Variants in WNK4 observed in about 807,000 individuals in gnomAD.
WNK4 encodes WNK lysine deficient protein kinase 4, also known as serine/threonine-protein kinase WNK4.
Under a neutral mutation model 116.2 loss-of-function variants are expected in WNK4, and 94 were observed. That is an observed-to-expected ratio of 0.81 (90% CI 0.68 to 0.96). The LOEUF (loss-of-function observed/expected upper bound fraction) is 0.96. Among genes scored for constraint, WNK4 ranks in the 40% least tolerant of loss-of-function variants. WNK4 has a pLI of 0.00. For synonymous variants in WNK4, 655 were observed against 672.7 expected (o/e 0.97, Z 0.41); for missense variants, 1,542 against 1,650.6 (o/e 0.93, Z 1.14).
intron 11 of WNK4, among the ~76,000 whole-genome samples, chr17:42,789,423 G>A (rs1007919960): frequency 2.6e-5 from 4 of 151,966 alleles, no homozygotes; most frequent in African/African-American, 4.8e-5. Context: ...TTGGGAGGCC[G>A]AGGCCGAGGC....
At position 42,784,502 on chromosome 17, in the gene WNK4, A is replaced by G; in HGVS notation, c.1093A>G (p.Met365Val). Residue 365 changes from methionine to valine, a missense_variant, in exon 4 of 19, where the codon ATG becomes GTG. Met to Val is a conservative substitution (Grantham distance 21). Transcript: ENST00000246914. The surrounding 1 kb of genome is among the most constrained non-coding windows in gnomAD (Gnocchi z 4.4). ...GGACGTGTACGCGTTCGGCATGTGC[A>G]TGCTGGAGATGGCCACCTCTGAGTA... is the stretch of plus-strand genomic sequence containing the variant. ...AVDVYAFGMC[M>V]LEMATSEYPY... 6.2e-7 allele frequency: 1 copy of G among 1,614,012 alleles called. No individual in the cohort carries two copies. The highest frequency in any genetic ancestry group is 1.1e-5 in the South Asian group (1 of 91,042).
At chr17:42,783,544 A>G (rs2054507204) in intron 2 of WNK4, 1 of 318,376 alleles carries the variant, frequency 3.1e-6, no homozygotes, top group Non-Finnish European at 6.0e-6. Context: ...GCCTTTGAGC[A>G]CGGTGTCCTG....
chr17:42,796,616 G>A, intron 18 of WNK4, 38 bp downstream of exon 18: 4 of 1,614,192 alleles, frequency 2.5e-6, no homozygotes, highest in South Asian at 1.1e-5. Context: ...CCCAGGGAAT[G>A]GTACCTGGCT....
In WNK4 at chr17:42,793,579, T is replaced by G. The variant is rs2144070684; in HGVS notation, c.2158-13T>G. 1 of 1,613,684 alleles carries G rather than the reference T, an allele frequency of 6.2e-7. No individual in the cohort carries two copies. The highest frequency in any genetic ancestry group is 8.5e-7 in the Non-Finnish European group (1 of 1,179,692). On this transcript the variant is annotated splice_polypyrimidine_tract_variant and intron_variant, in intron 11 of 18. Coordinates refer to ENST00000246914, the MANE Select transcript of WNK4 (RefSeq NM_032387.5). ...AACAAGCTCTCCCTCCCCATCCTGT[T>G]GACCCTCGCAAGGTATATAACGAGT...
intron 11 of WNK4, among the ~76,000 whole-genome samples, chr17:42,793,104 G>C (rs2054622285): frequency 6.6e-6 from 1 of 152,194 alleles, no homozygotes; most frequent in Non-Finnish European, 1.5e-5. Flanking sequence ...ATGAATGTTA[G>C]CACCTTTCCT....
chr17:42,788,439 C>T (rs750540512), intron 10 of WNK4, 32 bp downstream of exon 10: 3 of 1,601,994 alleles, frequency 1.9e-6, no homozygotes, highest in Admixed American at 1.7e-5. Context: ...TAGAGAGTAA[C>T]CTACAGGGCC....
rs544146658 is a variant in WNK4, at chr17:42,784,567, C to A, written c.1158C>A (p.Arg386=). ...SECQNAAQIY[R]KVTSGRKPNS... The stretch of plus-strand genomic sequence containing the variant: ...GCCAGAATGCCGCGCAAATCTACCG[C>A]AAGGTCACTTCGGTGAGAGGGATGG... Residue 386 remains arginine, a synonymous_variant, in exon 4 of 19, where the codon CGC becomes CGA. Transcript: ENST00000246914. The surrounding 1 kb of genome is among the most constrained non-coding windows in gnomAD (Gnocchi z 4.4). 3.8e-5 allele frequency: 61 copies of A among 1,614,148 alleles called. No individual in the cohort carries two copies. The South Asian group carries it at 6.5e-4, about 17-fold the overall frequency.
intron 2 of WNK4, 50 bp from the exon 3 acceptor site, chr17:42,783,887 C>G: frequency 6.4e-7 from 1 of 1,557,856 alleles, no homozygotes; most frequent in Non-Finnish European, 8.7e-7. Context: ...GGGCTCCTTC[C>G]CGGAGGACGT....
chr17:42,789,508 A>G (rs575995413), intron 11 of WNK4, among the ~76,000 whole-genome samples: 3 of 152,028 alleles, frequency 2.0e-5, no homozygotes, highest in East Asian at 3.9e-4. Context: ...ACTAAAAAAT[A>G]CAAAAATTAG....
chr17:42,794,653 C>T lies in WNK4; in HGVS notation c.2335C>T (p.Pro779Ser). 6.2e-7 allele frequency: 1 copy of T among 1,613,954 alleles called. No homozygotes were observed. Among genetic ancestry groups the T allele is most frequent in the Non-Finnish European group, 8.5e-7 (1 of 1,179,954 alleles). The change falls in exon 13 of 19, where the codon CCA (proline) becomes TCA (serine). Residue 779 changes from proline (P) to serine (S), a missense_variant. Physicochemically the swap from Pro to Ser is moderately conservative, Grantham distance 74. Coordinates refer to ENST00000246914, the MANE Select transcript of WNK4 (RefSeq NM_032387.5). ...ATTACCTGCCCTGCCCGTCCCCCTC[C>T]CAGACCCATCCAATGGTATGTACTG... ...APLPALPVPL[P>S]DPSNEELQSS...
At chr17:42,793,563 T>TC in intron 11 of WNK4, 29 bp from the exon 12 acceptor site, 1 of 1,612,850 alleles carries the variant, frequency 6.2e-7, no homozygotes, top group Non-Finnish European at 8.5e-7. Context: ...TAACAAGCTC[T>TC]CCCTCCCCAT....
At position 42,785,488 on chromosome 17, in the gene WNK4, C is replaced by T. The variant is rs1315150427; in HGVS notation, c.1476+6C>T. ...AGGAGGTGGCACAGGAGATGGTGAG[C>T]GGAGGACAGACTGTGCTGCCACTGG... On this transcript the variant is annotated splice_donor_region_variant and intron_variant, in intron 6 of 18. Transcript: ENST00000246914. 1 of 1,551,566 alleles carries T rather than the reference C, an allele frequency of 6.4e-7. No homozygotes were observed. The highest frequency in any genetic ancestry group is 1.4e-5 in the African/African-American group (1 of 73,128).
At chr17:42,788,219 G>A (rs61755603) in intron 9 of WNK4, 31 bp downstream of exon 9, 12 of 1,613,928 alleles carry the variant, frequency 7.4e-6, no homozygotes, top group Middle Eastern at 1.6e-4. Context: ...GGGTGCCAGG[G>A]TGAGACACCT....
Position 42,795,688 on chromosome 17 carries a change from T to C in WNK4, c.3086T>C (p.Leu1029Pro). Residue 1029 changes from leucine (L) to proline (P), a missense_variant, in exon 16 of 19, where the codon CTT (leucine) becomes CCT (proline). Physicochemically the swap from Leu to Pro is moderately conservative, Grantham distance 98. This residue lies in a region of WNK4 where 292 missense variants were observed against 290.1 expected (regional missense o/e 1.01). Coordinates refer to ENST00000246914, the MANE Select transcript of WNK4 (RefSeq NM_032387.5). Reference sequence around the variant, plus strand: ...TCATCCAAGGAACCGGCTGAGCCTCTTCCCTTGCAGCCAACATCCCCCACT... The same window carrying C: ...TCATCCAAGGAACCGGCTGAGCCTCCTCCCTTGCAGCCAACATCCCCCACT... ...VTSSKEPAEP[L>P]PLQPTSPTLS... 6.2e-7 allele frequency: 1 copy of C among 1,613,310 alleles called. No individual in the cohort carries two copies. Among genetic ancestry groups the C allele is most frequent in the Non-Finnish European group, 8.5e-7 (1 of 1,180,032 alleles).
In WNK4 at chr17:42,793,739, C is replaced by T. The variant is rs762959127; in HGVS notation, c.2295+10C>T. The T allele has an allele frequency of 2.5e-6, 4 of 1,613,934 alleles. No homozygotes were observed. Among genetic ancestry groups the T allele is most frequent in the Non-Finnish European group, 3.4e-6 (4 of 1,179,856 alleles). On this transcript the variant is annotated intron_variant, in intron 12 of 18. Transcript: ENST00000246914. ...CACCCTAAGCCCCCAGGTCAGACCC[C>T]TTGGTGGACACTTCCAGGGGAAATG... is the stretch of plus-strand genomic sequence containing the variant.
rs772880049 is a variant in WNK4 at position 42,796,587 on chromosome 17, G to A, written c.3729+9G>A. Reference sequence around the variant, plus strand: ...GGGATGTTGGCAGGATGGTGAGGGCGGGCCCAAGGGAGGGAGAGCCCAGGG... The same window carrying A: ...GGGATGTTGGCAGGATGGTGAGGGCAGGCCCAAGGGAGGGAGAGCCCAGGG... On this transcript the variant is annotated intron_variant, in intron 18 of 18. Transcript: ENST00000246914. The A allele has an allele frequency of 2.4e-5, 39 of 1,614,194 alleles. No individual in the cohort carries two copies. The Admixed American group carries it at 3.0e-4, about 12-fold the overall frequency.
rs1344873604 is a variant in WNK4 at position 42,784,454 on chromosome 17, G to A, written c.1045G>A (p.Glu349Lys). The A allele has an allele frequency of 3.1e-6, 5 of 1,613,916 alleles. No individual in the cohort carries two copies. The highest frequency in any genetic ancestry group is 1.7e-5 in the Admixed American group (1 of 59,984). ...GGAATTCATGGCCCCCGAGATGTAC[G>A]AGGAAAAGTACGATGAGGCCGTGGA... is the stretch of plus-strand genomic sequence containing the variant. ...TPEFMAPEMYEEKYDEAVDVY... is the reference protein window; with the variant it reads ...TPEFMAPEMYKEKYDEAVDVY... Residue 349 changes from glutamate to lysine, a missense_variant, in exon 4 of 19, where the codon GAG (glutamate) becomes AAG (lysine). Glu to Lys is a moderately conservative substitution (Grantham distance 56). Transcript: ENST00000246914. This position sits in a 1 kb window ranked among gnomAD's most constrained non-coding sequence, Gnocchi z 4.4.
At chr17:42,785,591 G>A in intron 6 of WNK4, 109 bp downstream of exon 6, 2 of 1,302,622 alleles carry the variant, frequency 1.5e-6, no homozygotes, top group Non-Finnish European at 2.2e-6. Context: ...TGGGGGCGGG[G>A]CACCTCACCC....
Position 42,794,823 on chromosome 17 carries a change from C to T in WNK4, c.2402C>T (p.Ser801Phe), listed in dbSNP as rs1263905099. 1 of 1,613,866 alleles carries T rather than the reference C, an allele frequency of 6.2e-7. No homozygotes were observed. The highest frequency in any genetic ancestry group is 1.3e-5 in the African/African-American group (1 of 74,920). Residue 801 changes from serine (S) to phenylalanine (F), a missense_variant, in exon 14 of 19, where the codon TCC becomes TTC. Physicochemically the swap from Ser to Phe is radical, Grantham distance 155. This residue lies in a region of WNK4 where 808 missense variants were observed against 873.6 expected (regional missense o/e 0.92). Coordinates refer to ENST00000246914, the MANE Select transcript of WNK4 (RefSeq NM_032387.5). The part of the protein sequence containing the change: ...SLEHRSWTAF[S>F]TSSSSPGTPL... ...GAGCACAGGAGCTGGACAGCCTTCT[C>T]CACCTCCTCATCTTCTCCTGGAACT...
Sources: gnomAD v4.1 joint callset for allele counts (sites outside exome capture counted in the v4.1 genomes callset) on GRCh38, gnomAD v4.1.1 for gene constraint, gnomAD v4.1.1 regional missense constraint, Gnocchi (gnomAD v3.1) non-coding constraint, MANE v1.5 for transcripts, NCBI Gene and HGNC (gene_info 2026-07-23, HGNC 2026-07-21) for gene names.